DNAJA4: variants seen among roughly 807,000 people sequenced by gnomAD.
DNAJA4 encodes the protein DnaJ heat shock protein family (Hsp40) member A4, also known as dnaJ homolog subfamily A member 4.
In DNAJA4, 32 loss-of-function variants were observed where a neutral mutation model predicts 39.7. That is an observed-to-expected ratio of 0.81 (90% CI 0.61 to 1.08). The LOEUF is 1.08. DNAJA4 is among the 50% of genes least tolerant of loss of function. The pLI is 0.00. For synonymous variants in DNAJA4, 184 were observed against 182.4 expected (o/e 1.01, Z -0.07); for missense variants, 439 against 505.1 (o/e 0.87, Z 1.25).
intron 5 of DNAJA4, chr15:78,277,870 A>G (rs527857388): frequency 5.5e-6 from 2 of 360,408 alleles, no homozygotes; most frequent in South Asian, 2.2e-5. Flanking sequence ...AGGGTGGAGC[A>G]TCCAGGAAAC....
rs2049647712 is a variant in DNAJA4 at position 78,281,310 on chromosome 15, G to A, written c.*850G>A. On this transcript the variant is annotated 3_prime_UTR_variant, in exon 7 of 7. Coordinates refer to ENST00000394852, the MANE Select transcript of DNAJA4 (RefSeq NM_001130182.2). ...CTCAGTGCAGCAACAGAAGCCAAGG[G>A]AGAATGCTGCTGGTTTGGCCCATGG... 1 of 152,626 alleles carries A rather than the reference G, an allele frequency of 6.6e-6. No homozygotes were observed. Among genetic ancestry groups the A allele is most frequent in the African/African-American group, 2.4e-5 (1 of 41,432 alleles). 9.5% of individuals were successfully genotyped at this position (152,626 alleles called of 1,614,324 possible).
At position 78,264,581 on chromosome 15, in the gene DNAJA4, T is replaced by G; in HGVS notation, c.-183T>G. The G allele has an allele frequency of 8.6e-7, 1 of 1,167,464 alleles. No homozygotes were observed. Among genetic ancestry groups the G allele is most frequent in the Non-Finnish European group, 1.1e-6 (1 of 948,408 alleles). 72.3% of individuals were successfully genotyped at this position (1,167,464 alleles called of 1,614,324 possible). ...GGCTCTAGTGCGGTGGAGCCAGGCG[T>G]GGAAGTCGGTCCGGCGCGGGGCGGG... On this transcript the variant is annotated 5_prime_UTR_variant, in exon 1 of 7. Coordinates refer to ENST00000394852, the MANE Select transcript of DNAJA4 (RefSeq NM_001130182.2).
In DNAJA4 at chr15:78,275,788, A is replaced by T; in HGVS notation, c.877+60A>T. 11 of 1,243,568 alleles carry T rather than the reference A, an allele frequency of 8.8e-6. No homozygotes were observed. The South Asian group carries it at 1.5e-4, about 17-fold the overall frequency. 77.0% of individuals were successfully genotyped at this position (1,243,568 alleles called of 1,614,324 possible). A position where few individuals can be genotyped will look rare whatever the true frequency, so the allele number is the denominator to read the frequency against. The stretch of plus-strand genomic sequence containing the variant: ...GTATGTTTGGCATAATAATTCTGGC[A>T]AGTTAGCCTGATTTTTTTATTGCTA... On this transcript the variant is annotated intron_variant, in intron 5 of 6. Transcript: ENST00000394852.
Position 78,264,685 on chromosome 15 carries a change from C to G in DNAJA4, c.-79C>G. ...GCGAGCGGGCGGCGGGGGCGCGGGC[C>G]AGGGGCGCGGGCCAGGGTGCCGGCA... On this transcript the variant is annotated 5_prime_UTR_variant, in exon 1 of 7. Transcript: ENST00000394852. 1 of 1,189,442 alleles carries G rather than the reference C, an allele frequency of 8.4e-7. No individual in the cohort carries two copies. The highest frequency in any genetic ancestry group is 1.1e-6 in the Non-Finnish European group (1 of 944,610). The allele number at this position is 1,189,442 out of a possible 1,614,324, so 73.7% of individuals were successfully genotyped here.
In DNAJA4 at chr15:78,280,482, C is replaced by T. The variant is rs1277950078; in HGVS notation, c.*22C>T. On this transcript the variant is annotated 3_prime_UTR_variant, in exon 7 of 7. Coordinates refer to ENST00000394852, the MANE Select transcript of DNAJA4 (RefSeq NM_001130182.2). Reference sequence around the variant, plus strand: ...ATGACGTGGTGCGGGGCAGCGTGGCCCCACCGGACTAGCACATGATGAATG... The same window carrying T: ...ATGACGTGGTGCGGGGCAGCGTGGCTCCACCGGACTAGCACATGATGAATG... 1 of 1,580,798 alleles carries T rather than the reference C, an allele frequency of 6.3e-7. No homozygotes were observed. Among genetic ancestry groups the T allele is most frequent in the South Asian group, 1.1e-5 (1 of 88,466 alleles).
Position 78,275,544 on chromosome 15 carries a change from G to C in DNAJA4, c.693G>C (p.Gln231His). The C allele has an allele frequency of 6.2e-7, 1 of 1,614,214 alleles. No homozygotes were observed. Among genetic ancestry groups the C allele is most frequent in the Non-Finnish European group, 8.5e-7 (1 of 1,180,018 alleles). The change falls in exon 5 of 7, where the codon CAG becomes CAC. Residue 231 changes from glutamine (Q) to histidine (H), a missense_variant. By Grantham distance (24) the Gln-to-His change is conservative. Transcript: ENST00000394852. Reference protein sequence around the residue: ...QKILFHGEGDQEPELEPGDVI... With the variant: ...QKILFHGEGDHEPELEPGDVI... ...TACTATTTCATGGAGAAGGAGATCA[G>C]GAGCCTGAGCTGGAGCCTGGTGATG...
chr15:78,264,999 G>A, intron 1 of DNAJA4, 104 bp downstream of exon 1: 1 of 1,324,872 alleles, frequency 7.5e-7, no homozygotes, highest in Non-Finnish European at 1.0e-6. Context: ...TTGTTGGGGA[G>A]GCTGTCGCCA....
At chr15:78,277,983 G>C in intron 5 of DNAJA4, 1 of 453,246 alleles carries the variant, frequency 2.2e-6, no homozygotes, top group Non-Finnish European at 4.4e-6. Context: ...CCCCTCTTTT[G>C]TGTTGGCTTA....
At chr15:78,275,204 C>T in intron 4 of DNAJA4, 1 of 401,162 alleles carries the variant, frequency 2.5e-6, no homozygotes, top group South Asian at 3.5e-5. Flanking sequence ...TGACCCTATG[C>T]TGGTGGTGTG....
chr15:78,277,994 TTTC>T (rs2049521514), intron 5 of DNAJA4: 2 of 454,906 alleles, frequency 4.4e-6, no homozygotes, highest in African/African-American at 4.0e-5. Context: ...TGTTGGCTTA[TTTC>T]TTGTTTCTCC....
In DNAJA4 at chr15:78,264,903, G is replaced by A. The variant is rs761879188; in HGVS notation, c.132+8G>A. 4 of 1,583,082 alleles carry A rather than the reference G, an allele frequency of 2.5e-6. No individual in the cohort carries two copies. In the Admixed American group the frequency reaches 5.3e-5, roughly 21 times the overall value. On this transcript the variant is annotated splice_region_variant and intron_variant, in intron 1 of 6. Transcript: ENST00000394852. ...CCGGATGAGGGCGAGAAGGTGCGGG[G>A]CGGCGCGGGGCACGGGCCGGGCTCC...
chr15:78,264,550 G>A (rs1229269791), upstream of DNAJA4: 2 of 1,225,426 alleles, frequency 1.6e-6, no homozygotes, highest in Non-Finnish European at 2.0e-6. Flanking sequence ...CCGCGGAGGA[G>A]CCGGTGGCTC....
In DNAJA4 at chr15:78,275,488, T is replaced by C; in HGVS notation, c.647-10T>C. On this transcript the variant is annotated splice_polypyrimidine_tract_variant and intron_variant, in intron 4 of 6. Coordinates refer to ENST00000394852, the MANE Select transcript of DNAJA4 (RefSeq NM_001130182.2). Reference sequence around the variant, plus strand: ...GAAATGGCTAATCAGAAAGGGATGATGTTTCATAGGTATGAAAGATGGGCA... The same window carrying C: ...GAAATGGCTAATCAGAAAGGGATGACGTTTCATAGGTATGAAAGATGGGCA... 1 of 1,603,022 alleles carries C rather than the reference T, an allele frequency of 6.2e-7. No homozygotes were observed. Among genetic ancestry groups the C allele is most frequent in the African/African-American group, 1.3e-5 (1 of 74,718 alleles).
Position 78,281,144 on chromosome 15 carries a change from T to C in DNAJA4, c.*684T>C, listed in dbSNP as rs2049642883. 6.5e-6 allele frequency: 1 copy of C among 152,682 alleles called. No homozygotes were observed. The highest frequency in any genetic ancestry group is 2.1e-4 in the South Asian group (1 of 4,836). The allele number at this position is 152,682 out of a possible 1,614,324, so 9.5% of individuals were successfully genotyped here. A position where few individuals can be genotyped will look rare whatever the true frequency, so the allele number is the denominator to read the frequency against. Reference sequence around the variant, plus strand: ...TGAGGACAAACCAGTGTTTGAATCATATGCTGATAACTGTTTGCCTGTGAC... The same window carrying C: ...TGAGGACAAACCAGTGTTTGAATCACATGCTGATAACTGTTTGCCTGTGAC... On this transcript the variant is annotated 3_prime_UTR_variant, in exon 7 of 7. Coordinates refer to ENST00000394852, the MANE Select transcript of DNAJA4 (RefSeq NM_001130182.2).
chr15:78,264,971 G>A (rs1035223822), intron 1 of DNAJA4, 76 bp downstream of exon 1: 45 of 1,425,736 alleles, frequency 3.2e-5, no homozygotes, highest in African/African-American at 1.6e-4. Flanking sequence ...TGAAGGCGAC[G>A]GGAAACCTGA....
Position 78,264,829 on chromosome 15 carries a change from C to G in DNAJA4, c.66C>G (p.Ile22Met). 1.2e-6 allele frequency: 2 copies of G among 1,610,916 alleles called. No homozygotes were observed. Among genetic ancestry groups the G allele is most frequent in the East Asian group, 4.5e-5 (2 of 44,668 alleles). Reference sequence around the variant, plus strand: ...AGCCCAGCGCGTCCCCGGAGGAGATCAAGAAGGCCTATCGGAAGCTGGCGC... The same window carrying G: ...AGCCCAGCGCGTCCCCGGAGGAGATGAAGAAGGCCTATCGGAAGCTGGCGC... ...GVKPSASPEE[I>M]KKAYRKLALK... Residue 22 changes from isoleucine to methionine, a missense_variant, in exon 1 of 7, where the codon ATC (isoleucine) becomes ATG (methionine). By Grantham distance (10) the Ile-to-Met change is conservative. Coordinates refer to ENST00000394852, the MANE Select transcript of DNAJA4 (RefSeq NM_001130182.2).
In DNAJA4 at chr15:78,275,560, C is replaced by G; in HGVS notation, c.709C>G (p.Pro237Ala). 6.2e-7 allele frequency: 1 copy of G among 1,614,124 alleles called. No individual in the cohort carries two copies. Among genetic ancestry groups the G allele is most frequent in the Non-Finnish European group, 8.5e-7 (1 of 1,180,018 alleles). ...GEGDQEPELE[P>A]GDVIIVLDQK... ...AGGAGATCAGGAGCCTGAGCTGGAG[C>G]CTGGTGATGTCATAATTGTGCTTGA... The change falls in exon 5 of 7, where the codon CCT becomes GCT. Residue 237 changes from proline (P) to alanine (A), a missense_variant. Transcript: ENST00000394852.
In DNAJA4 at chr15:78,275,518, A is replaced by G. The variant is rs1378352354; in HGVS notation, c.667A>G (p.Ile223Val). 1 of 1,614,076 alleles carries G rather than the reference A, an allele frequency of 6.2e-7. No homozygotes were observed. Among genetic ancestry groups the G allele is most frequent in the Non-Finnish European group, 8.5e-7 (1 of 1,179,916 alleles). Reference sequence around the variant, plus strand: ...CATAGGTATGAAAGATGGGCAAAAGATACTATTTCATGGAGAAGGAGATCA... The same window carrying G: ...CATAGGTATGAAAGATGGGCAAAAGGTACTATTTCATGGAGAAGGAGATCA... ...VEKGMKDGQK[I>V]LFHGEGDQEP... Residue 223 changes from isoleucine to valine, a missense_variant, in exon 5 of 7, where the codon ATA becomes GTA. Physicochemically the swap from Ile to Val is conservative, Grantham distance 29. Transcript: ENST00000394852.
Position 78,280,085 on chromosome 15 carries a change from TGAA to T in DNAJA4, c.920_922del (p.Glu307del), listed in dbSNP as rs2049609600. On this transcript the variant is annotated inframe_deletion, in exon 6 of 7. Transcript: ENST00000394852. ...ACGGGGACCTGAGATGCGTGCGCGA[TGAA>T]GGAATGCCCATCTACAAAGCACCCC... 1 of 1,614,112 alleles carries T rather than the reference TGAA, an allele frequency of 6.2e-7. No homozygotes were observed. Among genetic ancestry groups the T allele is most frequent in the Admixed American group, 1.7e-5 (1 of 60,006 alleles).
Sources: gnomAD v4.1 joint callset for allele counts on GRCh38, gnomAD v4.1.1 for gene constraint, MANE v1.5 for transcripts, NCBI Gene and HGNC (gene_info 2026-07-23, HGNC 2026-07-21) for gene names.